TSHZ3: variants seen among roughly 807,000 people sequenced by gnomAD.
TSHZ3 encodes the protein teashirt homolog 3.
In TSHZ3, 10 loss-of-function variants were observed where a neutral mutation model predicts 64.5. That is an observed-to-expected ratio of 0.16 (90% CI 0.10 to 0.26). TSHZ3 has a LOEUF of 0.26. Ranked by LOEUF, TSHZ3 falls within the 10% of genes least tolerant of loss-of-function variation. The pLI is 1.00. For synonymous variants in TSHZ3, 608 were observed against 593.1 expected (o/e 1.03, Z -0.36); for missense variants, 1,242 against 1,421.7 (o/e 0.87, Z 2.03).
intron 1 of TSHZ3, among the ~76,000 whole-genome samples, chr19:31,310,469 G>T (rs958735208): frequency 6.6e-6 from 1 of 152,182 alleles, no homozygotes; most frequent in Non-Finnish European, 1.5e-5. Flanking sequence ...ATGAATGGAT[G>T]AACTCAGGGA....
chr19:31,282,565 T>C (rs1976381972), intron 1 of TSHZ3, among the ~76,000 whole-genome samples: 1 of 151,998 alleles, frequency 6.6e-6, no homozygotes, highest in African/African-American at 2.4e-5. Flanking sequence ...CCACCCCCAC[T>C]GCACAAGCAC....
chr19:31,337,036 G>T, intron 1 of TSHZ3, among the ~76,000 whole-genome samples: 1 of 125,726 alleles, frequency 8.0e-6, no homozygotes, highest in Non-Finnish European at 1.6e-5. Context: ...TTTTTTACAG[G>T]CAACCCAGAG....
chr19:31,287,403 T>A (rs1397302901), intron 1 of TSHZ3, among the ~76,000 whole-genome samples: 1 of 151,966 alleles, frequency 6.6e-6, no homozygotes, highest in Non-Finnish European at 1.5e-5. Flanking sequence ...TTGCAATGAG[T>A]GCCTCTGGTC....
At chr19:31,176,391 G>A (rs1049249010) in intron 5 of TSHZ3, among the ~76,000 whole-genome samples, 3 of 152,096 alleles carry the variant, frequency 2.0e-5, no homozygotes, top group African/African-American at 7.2e-5. Flanking sequence ...TGATCTGAAA[G>A]AAAAATGGAG....
At chr19:31,190,389 C>T (rs535458727) in intron 5 of TSHZ3, among the ~76,000 whole-genome samples, 1 of 152,202 alleles carries the variant, frequency 6.6e-6, no homozygotes, top group East Asian at 1.9e-4. Flanking sequence ...TTTATTCAGC[C>T]AGGACAGAGA....
chr19:31,257,244 C>T (rs868680853), intron 1 of TSHZ3, among the ~76,000 whole-genome samples: 6 of 152,116 alleles, frequency 3.9e-5, no homozygotes, highest in African/African-American at 1.2e-4. Context: ...AGGACGGTGC[C>T]GTGGGGAACT....
chr19:31,234,471 A>G (rs1196065349), intron 3 of TSHZ3, among the ~76,000 whole-genome samples: 1 of 152,196 alleles, frequency 6.6e-6, no homozygotes, highest in Non-Finnish European at 1.5e-5. Flanking sequence ...TTAGGGGGAA[A>G]GCATTCTGGC....
rs112482043 is a variant in TSHZ3 at position 31,212,050 on chromosome 19, CT to C, written n.687-6973del. On this transcript the variant is annotated intron_variant and non_coding_transcript_variant, in intron 4 of 6. Coordinates refer to the TSHZ3 transcript ENST00000651361. ...AGCACTTTTAAGCTTTTCTTTCTCTCTTTTTTTTTTTCTTTTTTGATACCAT... is the reference window on the plus strand; with the variant it reads ...AGCACTTTTAAGCTTTTCTTTCTCTCTTTTTTTTTTCTTTTTTGATACCAT... Among the ~76,000 whole-genome samples, 1,367 of 146,410 alleles carry C rather than the reference CT, an allele frequency of 9.3e-3. 16 individuals are homozygous for C. The highest frequency in any genetic ancestry group is 0.034 in the South Asian group (156 of 4,586).
Position 31,310,035 on chromosome 19 carries a change from C to T in TSHZ3, c.41-30283G>A, listed in dbSNP as rs146968244. 6.6e-5 allele frequency among the ~76,000 whole-genome samples: 10 copies of T among 152,278 alleles called. No homozygotes were observed. The East Asian group carries it at 1.5e-3, about 24-fold the overall frequency. On this transcript the variant is annotated intron_variant, in intron 1 of 1. Coordinates refer to ENST00000240587, the MANE Select transcript of TSHZ3 (RefSeq NM_020856.4). ...ACATACTCCAGTAGCCTGGTGCCCTCGGAGGAATTTGTGATGATGGGAAAA... is the reference window on the plus strand; with the variant it reads ...ACATACTCCAGTAGCCTGGTGCCCTTGGAGGAATTTGTGATGATGGGAAAA...
intron 1 of TSHZ3, among the ~76,000 whole-genome samples, chr19:31,330,454 G>A (rs865935844): frequency 2.6e-5 from 4 of 152,204 alleles, no homozygotes; most frequent in Non-Finnish European, 4.4e-5. Context: ...GAGCTCCCAT[G>A]TGAAGTGCAG....
At chr19:31,176,148 C>G (rs1974603511) in intron 5 of TSHZ3, among the ~76,000 whole-genome samples, 1 of 152,094 alleles carries the variant, frequency 6.6e-6, no homozygotes, top group Non-Finnish European at 1.5e-5. Context: ...GTGGTGCAGA[C>G]TGAGGCAAGG....
exon 3 of TSHZ3, among the ~76,000 whole-genome samples, chr19:31,242,402 G>A (rs1185252136): frequency 2.0e-5 from 3 of 152,160 alleles, no homozygotes; most frequent in African/African-American, 7.2e-5. Context: ...TGAAGTCTGA[G>A]GCCAAAGGCC....
rs150597521 is a variant in TSHZ3 at position 31,237,667 on chromosome 19, G to C, written n.550+4602C>G. Among the ~76,000 whole-genome samples, 1,259 of 151,740 alleles carry C rather than the reference G, an allele frequency of 8.3e-3. 7 individuals carry two copies. Among genetic ancestry groups the C allele is most frequent in the Non-Finnish European group, 0.015 (995 of 67,890 alleles). ...TGCTTTGAGCTTATTTTCTTTTTCT[G>C]TCTATAAAATAGAAACATCAATAAT... On this transcript the variant is annotated intron_variant and non_coding_transcript_variant, in intron 3 of 6. Coordinates refer to the TSHZ3 transcript ENST00000651361.
chr19:31,323,863 A>AACACACACACACACAC (rs58051976), intron 1 of TSHZ3, among the ~76,000 whole-genome samples: 24 of 122,328 alleles, frequency 2.0e-4, no homozygotes, highest in Non-Finnish European at 2.4e-4. Flanking sequence ...CCTGGCCTCC[A>AACACACACACACACAC]ACACACACAC....
At chr19:31,296,238 G>A (rs1160790757) in intron 1 of TSHZ3, among the ~76,000 whole-genome samples, 1 of 151,624 alleles carries the variant, frequency 6.6e-6, no homozygotes, top group African/African-American at 2.4e-5. Flanking sequence ...GGAATGGCAT[G>A]GAGAGAGGAA....
intron 5 of TSHZ3, among the ~76,000 whole-genome samples, chr19:31,179,241 G>A (rs1379217558): frequency 6.6e-6 from 1 of 152,174 alleles, no homozygotes; most frequent in African/African-American, 2.4e-5. Context: ...AAGGGCCAGG[G>A]AAGGAGCAGT....
intron 1 of TSHZ3, among the ~76,000 whole-genome samples, chr19:31,264,478 T>C (rs916551138): frequency 1.3e-5 from 2 of 152,118 alleles, no homozygotes; most frequent in Admixed American, 1.3e-4. Flanking sequence ...CCTCAAATCC[T>C]CACCTCAGTC....
At chr19:31,207,473 C>A (rs1000755573) in intron 4 of TSHZ3, 31 of 151,796 alleles carry the variant, frequency 2.0e-4, no homozygotes, top group African/African-American at 7.1e-4. Flanking sequence ...CAGGGAGAAG[C>A]AACTTTTTTT....
At chr19:31,294,711 A>C (rs1412878331) in intron 1 of TSHZ3, among the ~76,000 whole-genome samples, 1 of 152,208 alleles carries the variant, frequency 6.6e-6, no homozygotes, top group African/African-American at 2.4e-5. Flanking sequence ...TTGGCATCAC[A>C]ATATATGTTT....
Sources: allele counts gnomAD v4.1 joint callset (sites outside exome capture counted in the v4.1 genomes callset), GRCh38; gene constraint gnomAD v4.1.1; transcripts MANE v1.5; gene names NCBI Gene and HGNC (gene_info 2026-07-23, HGNC 2026-07-21).